Variants in SEMA3E observed in about 807,000 individuals in gnomAD.
The protein encoded by SEMA3E is semaphorin 3E, also known as semaphorin-3E.
A neutral mutation model predicts 93.6 loss-of-function variants in SEMA3E; 49 were observed. The ratio of observed to expected loss-of-function variants is 0.52; its 90% CI spans 0.42 to 0.66. SEMA3E has a LOEUF of 0.66. SEMA3E is among the 30% of genes least tolerant of loss of function. SEMA3E has a pLI of 0.00. For synonymous variants in SEMA3E, 363 were observed against 330.7 expected (o/e 1.10, Z -1.06); for missense variants, 906 against 964.8 (o/e 0.94, Z 0.81).
At chr7:83,520,087 C>T (rs1461304264) in intron 1 of SEMA3E, among the ~76,000 whole-genome samples, 1 of 152,120 alleles carries the variant, frequency 6.6e-6, no homozygotes, top group East Asian at 1.9e-4. Flanking sequence ...GTCATTGGCC[C>T]TGCTAGGGTG....
chr7:83,573,896 AT>A (rs1213148624), intron 1 of SEMA3E, among the ~76,000 whole-genome samples: 9 of 152,002 alleles, frequency 5.9e-5, no homozygotes, highest in South Asian at 2.1e-4. Context: ...TAATAAAATA[AT>A]TTTTTAAAGC....
chr7:83,518,186 G>A (rs1044740177), intron 1 of SEMA3E, among the ~76,000 whole-genome samples: 8 of 152,092 alleles, frequency 5.3e-5, no homozygotes, highest in Admixed American at 5.2e-4. Context: ...AATTTGAGAG[G>A]TATTTATGGG....
At chr7:83,629,393 C>A (rs1343303781) in intron 1 of SEMA3E, among the ~76,000 whole-genome samples, 11 of 152,010 alleles carry the variant, frequency 7.2e-5, no homozygotes, top group Non-Finnish European at 1.6e-4. Flanking sequence ...TTAAGTACAG[C>A]CACCCCTTCC....
intron 1 of SEMA3E, among the ~76,000 whole-genome samples, chr7:83,503,675 G>C (rs1204576262): frequency 6.6e-6 from 1 of 152,174 alleles, no homozygotes; most frequent in Non-Finnish European, 1.5e-5. Flanking sequence ...AACCTGTTCA[G>C]CATGTTACTG....
At chr7:83,520,629 T>C (rs1335751015) in intron 1 of SEMA3E, among the ~76,000 whole-genome samples, 1 of 152,102 alleles carries the variant, frequency 6.6e-6, no homozygotes, top group Admixed American at 6.6e-5. Context: ...ACCTCTATCA[T>C]CAGTTACTAG....
intron 4 of SEMA3E, among the ~76,000 whole-genome samples, chr7:83,425,201 A>G (rs760578384): frequency 1.1e-4 from 17 of 150,784 alleles, no homozygotes; most frequent in Non-Finnish European, 1.9e-4. Context: ...TTGAATGTTA[A>G]CATTATACTA....
At chr7:83,572,966 C>A (rs1792317442) in intron 1 of SEMA3E, among the ~76,000 whole-genome samples, 1 of 151,984 alleles carries the variant, frequency 6.6e-6, no homozygotes, top group South Asian at 2.1e-4. Flanking sequence ...TTCTTGATAT[C>A]AGGTTTGGTA....
chr7:83,379,262 A>G (rs1294034046), intron 16 of SEMA3E, among the ~76,000 whole-genome samples: 1 of 151,534 alleles, frequency 6.6e-6, no homozygotes, highest in Non-Finnish European at 1.5e-5. Context: ...GGTGAGAGGT[A>G]GATGAGGATC....
At chr7:83,471,632 A>C (rs1448019727) in intron 2 of SEMA3E, among the ~76,000 whole-genome samples, 1 of 152,178 alleles carries the variant, frequency 6.6e-6, no homozygotes, top group Non-Finnish European at 1.5e-5. Flanking sequence ...ATTGCAAGCT[A>C]TACTGAGGAT....
rs917242562 is a variant in SEMA3E, at chr7:83,363,353, T to C, written c.*4233A>G. The C allele has an allele frequency of 6.6e-6, 1 of 152,190 alleles. No homozygotes were observed. The highest frequency in any genetic ancestry group is 2.4e-5 in the African/African-American group (1 of 41,452). 9.4% of individuals were successfully genotyped at this position (152,190 alleles called of 1,614,324 possible). ...CCACGTTGTAGTCAAAGAGACACAC[T>C]GTTAATGGTCCCTGCAGCTTGCCAC... is the stretch of plus-strand genomic sequence containing the variant. On this transcript the variant is annotated 3_prime_UTR_variant, in exon 17 of 17. Transcript: ENST00000643230.
rs73707807 is a variant in SEMA3E, at chr7:83,381,325, T to A, written c.1875+3969A>T. 3.1e-3 allele frequency among the ~76,000 whole-genome samples: 476 copies of A among 152,120 alleles called. 4 individuals carry two copies. The highest frequency in any genetic ancestry group is 0.011 in the African/African-American group (450 of 41,546). On this transcript the variant is annotated intron_variant, in intron 16 of 16. Transcript: ENST00000643230. ...GTCACACTGCTCTTCACTCAGCTGT[T>A]CTTTGAGTATATCACATATGCTCCT...
At chr7:83,450,502 CA>C (rs1789337006) in intron 4 of SEMA3E, among the ~76,000 whole-genome samples, 1 of 151,964 alleles carries the variant, frequency 6.6e-6, no homozygotes. Context: ...GCTAACCACA[CA>C]AAAAACACTT....
chr7:83,580,144 A>G (rs1234698665), intron 1 of SEMA3E, among the ~76,000 whole-genome samples: 10 of 152,086 alleles, frequency 6.6e-5, no homozygotes, highest in Non-Finnish European at 1.5e-4. Context: ...ATGACATCTT[A>G]AATCTCTTTA....
At chr7:83,429,082 T>C (rs1034163560) in intron 4 of SEMA3E, among the ~76,000 whole-genome samples, 1 of 152,136 alleles carries the variant, frequency 6.6e-6, no homozygotes, top group Non-Finnish European at 1.5e-5. Flanking sequence ...GGCCCAAAAA[T>C]ATATATTAAG....
At chr7:83,390,036 C>CACATATATACGCGTATATGTGTAT (rs1787975729) in intron 14 of SEMA3E, among the ~76,000 whole-genome samples, 1 of 145,096 alleles carries the variant, frequency 6.9e-6, no homozygotes, top group Admixed American at 6.8e-5. Flanking sequence ...TATACGTATA[C>CACATATATACGCGTATATGTGTAT]ACATATATGC....
intron 1 of SEMA3E, among the ~76,000 whole-genome samples, chr7:83,516,058 C>T (rs1326057045): frequency 6.6e-6 from 1 of 151,834 alleles, no homozygotes; most frequent in Non-Finnish European, 1.5e-5. Flanking sequence ...AATAACAATA[C>T]ACAAAAACCC....
chr7:83,507,366 A>G (rs1390210224), intron 1 of SEMA3E, among the ~76,000 whole-genome samples: 1 of 150,764 alleles, frequency 6.6e-6, no homozygotes, highest in Non-Finnish European at 1.5e-5. Flanking sequence ...TGATGATATA[A>G]TTCTTCACAG....
At chr7:83,407,057 A>G (rs1788343381) in intron 7 of SEMA3E, 40 bp downstream of exon 7, 1 of 1,611,678 alleles carries the variant, frequency 6.2e-7, no homozygotes, top group Non-Finnish European at 8.5e-7. Flanking sequence ...CTGACCATAA[A>G]TTGTGAGATA....
intron 1 of SEMA3E, among the ~76,000 whole-genome samples, chr7:83,617,916 A>G (rs1482304549): frequency 6.6e-6 from 1 of 152,066 alleles, no homozygotes; most frequent in Admixed American, 6.6e-5. Flanking sequence ...GCTCCTAAAT[A>G]AAATATTGTC....
Sources: allele counts gnomAD v4.1 joint callset (sites outside exome capture counted in the v4.1 genomes callset), GRCh38; gene constraint gnomAD v4.1.1; transcripts MANE v1.5; gene names NCBI Gene and HGNC (gene_info 2026-07-23, HGNC 2026-07-21).